GCC2: variants seen among roughly 807,000 people sequenced by gnomAD.
GCC2 encodes GRIP and coiled-coil domain containing 2, also known as GRIP and coiled-coil domain-containing protein 2.
In GCC2, 120 loss-of-function variants were observed where a neutral mutation model predicts 210.6. The ratio of observed to expected loss-of-function variants is 0.57; its 90% CI spans 0.49 to 0.66. The LOEUF is 0.66. Ranked by LOEUF, GCC2 falls within the 30% of genes least tolerant of loss-of-function variation. The probability of loss-of-function intolerance (pLI) is 0.00; values close to 1 mark genes in which losing one functional copy is unlikely to be tolerated. For synonymous variants in GCC2, 703 were observed against 652.7 expected, an observed-to-expected ratio of 1.08 and a Z score of -1.17; for missense variants, 1,868 against 1,871.9, an observed-to-expected ratio of 1.00 and a Z score of 0.04.
intron 2 of GCC2, 117 bp from the exon 3 acceptor site, chr2:108,450,911 T>C (rs1679909227): frequency 1.5e-6 from 1 of 679,816 alleles, no homozygotes; most frequent in African/African-American, 1.8e-5. Context: ...AAGTATGCGG[T>C]TGGCATAAAG....
rs184213468 is a variant in GCC2 at position 108,506,701 on chromosome 2, T to A, written c.4985-859T>A. 3.9e-5 allele frequency among the ~76,000 whole-genome samples: 6 copies of A among 152,336 alleles called. No homozygotes were observed. In the East Asian group the frequency reaches 9.6e-4, roughly 24 times the overall value. On this transcript the variant is annotated intron_variant, in intron 22 of 22. Coordinates refer to ENST00000309863, the MANE Select transcript of GCC2 (RefSeq NM_181453.4). ...TTGGTTTTAGATTCTAAGTTGTATA[T>A]AAGCTTCTGTTTTAAAAGAATTTTT... is the stretch of plus-strand genomic sequence containing the variant.
intron 22 of GCC2, among the ~76,000 whole-genome samples, chr2:108,506,182 A>C (rs895356327): frequency 7.2e-5 from 11 of 152,244 alleles, no homozygotes; most frequent in African/African-American, 2.7e-4. Flanking sequence ...ACAATTATTC[A>C]TAGAAACTTT....
rs1683299882 is a variant in GCC2 at position 108,508,166 on chromosome 2, T to TA, written c.*541dup. 6.6e-6 allele frequency: 1 copy of TA among 151,038 alleles called. No homozygotes were observed. The highest frequency in any genetic ancestry group is 2.4e-5 in the African/African-American group (1 of 41,204). The allele number at this position is 151,038 out of a possible 1,614,324, so 9.4% of individuals were successfully genotyped here. ...GTCTCTAAAAATAATAGTAATAAAA[T>TA]AAAAATAACGTTTTATGACTATTTA... On this transcript the variant is annotated 3_prime_UTR_variant, in exon 23 of 23. Coordinates refer to ENST00000309863, the MANE Select transcript of GCC2 (RefSeq NM_181453.4).
chr2:108,501,694 G>C (rs1046447189), intron 22 of GCC2, among the ~76,000 whole-genome samples: 3 of 151,986 alleles, frequency 2.0e-5, no homozygotes, highest in Admixed American at 1.3e-4. Flanking sequence ...CCAATTGCTG[G>C]TCCCCAATTT....
Position 108,455,720 on chromosome 2 carries a change from G to A in GCC2, c.216+3254G>A, listed in dbSNP as rs116358344. ...ATTTTACTTAACATAATGACCTCCA[G>A]CTCCATCCATATTCCTGGAAATGGC... On this transcript the variant is annotated intron_variant, in intron 4 of 22. Transcript: ENST00000309863. 3.5e-3 allele frequency among the ~76,000 whole-genome samples: 525 copies of A among 152,166 alleles called. 2 individuals carry two copies. The highest frequency in any genetic ancestry group is 0.012 in the African/African-American group (479 of 41,538).
chr2:108,478,480 A>G (rs943578183), intron 9 of GCC2, among the ~76,000 whole-genome samples: 9 of 152,232 alleles, frequency 5.9e-5, no homozygotes, highest in African/African-American at 1.9e-4. Flanking sequence ...CAGTGTTCAT[A>G]TCACTTGTAA....
intron 4 of GCC2, among the ~76,000 whole-genome samples, chr2:108,458,243 C>T (rs1299264265): frequency 6.7e-6 from 1 of 149,236 alleles, no homozygotes; most frequent in Non-Finnish European, 1.5e-5. Flanking sequence ...ATTGAACCAT[C>T]CTTGCATCCC....
intron 22 of GCC2, among the ~76,000 whole-genome samples, chr2:108,500,784 A>G (rs945509535): frequency 2.2e-4 from 34 of 152,168 alleles, no homozygotes; most frequent in African/African-American, 2.4e-5. Flanking sequence ...CTCATGGACA[A>G]TCTTTTGGCG....
intron 17 of GCC2, among the ~76,000 whole-genome samples, chr2:108,489,058 A>G (rs528452558): frequency 6.6e-6 from 1 of 152,164 alleles, no homozygotes. Context: ...TACGTTTTTT[A>G]AAAAAAGAAA....
chr2:108,449,395 GCGCTGCTGT>G, intron 1 of GCC2, 115 bp downstream of exon 1: 1 of 1,461,706 alleles, frequency 6.8e-7, no homozygotes, highest in South Asian at 1.3e-5. Context: ...CCCGAAGCCC[GCGCTGCTGT>G]CGCCTCCCCA....
Position 108,471,435 on chromosome 2 carries a change from A to G in GCC2, c.2106A>G (p.Lys702=). 1 of 1,608,596 alleles carries G rather than the reference A, an allele frequency of 6.2e-7. No individual in the cohort carries two copies. Among genetic ancestry groups the G allele is most frequent in the South Asian group, 1.1e-5 (1 of 89,412 alleles). The change falls in exon 6 of 23, where the codon AAA becomes AAG. Residue 702 remains lysine (K), a synonymous_variant. Coordinates refer to ENST00000309863, the MANE Select transcript of GCC2 (RefSeq NM_181453.4). ...ACAATAAACTCAGTTCAGAAAAAAA[A>G]CAGTTGAGTAGGGATTTGGAGGTTT... The part of the protein sequence containing the change: ...EENNKLSSEK[K]QLSRDLEVFL...
intron 9 of GCC2, among the ~76,000 whole-genome samples, chr2:108,478,206 G>A (rs976064603): frequency 1.2e-4 from 15 of 129,494 alleles, no homozygotes; most frequent in African/African-American, 4.3e-4. Flanking sequence ...TAATGGATTT[G>A]TAAGATCTTT....
intron 22 of GCC2, among the ~76,000 whole-genome samples, chr2:108,503,378 C>A (rs1248016627): frequency 2.0e-5 from 3 of 152,196 alleles, no homozygotes; most frequent in Admixed American, 2.0e-4. Context: ...AAAACAAAAA[C>A]TTTAAGAATC....
chr2:108,481,953 G>A, intron 10 of GCC2, 137 bp downstream of exon 10: 2 of 618,594 alleles, frequency 3.2e-6, no homozygotes, highest in South Asian at 4.9e-5. Flanking sequence ...TTCCCACTTA[G>A]GAGAGAAGAA....
chr2:108,493,114 G>T (rs1682485851), intron 19 of GCC2, among the ~76,000 whole-genome samples: 3 of 152,114 alleles, frequency 2.0e-5, no homozygotes, highest in African/African-American at 7.2e-5. Context: ...TTTTGAGACG[G>T]AGTCTCGCTG....
chr2:108,470,715 TAA>T lies in GCC2; in HGVS notation c.1387_1388del (p.Lys463GlyfsTer4). Reference sequence around the variant, plus strand: ...CATTAATGTTTGAAATACAGGGTCTTAAGGAACAGTGTGAAAACCTACAGCAA... The same window carrying T: ...CATTAATGTTTGAAATACAGGGTCTTGGAACAGTGTGAAAACCTACAGCAA... ...LTLMFEIQGL[K>X]EQCENLQQEK... On this transcript the variant is annotated frameshift_variant, in exon 6 of 23. Transcript: ENST00000309863. LOFTEE classifies it high-confidence loss of function. The T allele has an allele frequency of 6.2e-7, 1 of 1,612,492 alleles. No homozygotes were observed. The highest frequency in any genetic ancestry group is 1.1e-5 in the South Asian group (1 of 90,886).
At chr2:108,449,736 G>A (rs1679812082) in intron 2 of GCC2, 47 bp downstream of exon 2, 5 of 1,485,984 alleles carry the variant, frequency 3.4e-6, no homozygotes, top group Non-Finnish European at 4.7e-6. Flanking sequence ...GTGGAAGGGT[G>A]ATGAATTGGA....
chr2:108,450,314 C>T (rs1471119026), intron 2 of GCC2, among the ~76,000 whole-genome samples: 1 of 152,142 alleles, frequency 6.6e-6, no homozygotes, highest in Non-Finnish European at 1.5e-5. Flanking sequence ...CTGAATGTTA[C>T]CCGGTTCATC....
intron 22 of GCC2, among the ~76,000 whole-genome samples, chr2:108,503,348 T>G (rs1683021840): frequency 6.6e-6 from 1 of 152,214 alleles, no homozygotes; most frequent in Admixed American, 6.5e-5. Flanking sequence ...ACCTTTTATA[T>G]TTTCCAAGAT....
Sources: allele counts gnomAD v4.1 joint callset (sites outside exome capture counted in the v4.1 genomes callset), GRCh38; gene constraint gnomAD v4.1.1; transcripts MANE v1.5; gene names NCBI Gene and HGNC (gene_info 2026-07-23, HGNC 2026-07-21).